Variants in CNTN6 observed in about 807,000 individuals in gnomAD.
CNTN6 encodes the protein contactin 6, also known as contactin-6.
Under a neutral mutation model 122.8 loss-of-function variants are expected in CNTN6, and 137 were observed. The ratio of observed to expected loss-of-function variants is 1.12; its 90% CI spans 0.97 to 1.29. The LOEUF is 1.29. Among genes scored for constraint, CNTN6 ranks in the 50% most tolerant of loss-of-function variants. CNTN6 has a pLI of 0.00. For missense variants in CNTN6, 1,634 were observed against 1,223.4 expected (o/e 1.34, Z -5.01); for synonymous variants, 570 against 426.0 (o/e 1.34, Z -4.16).
chr3:1,246,361 T>A (rs1156523836), intron 4 of CNTN6, among the ~76,000 whole-genome samples: 4 of 152,170 alleles, frequency 2.6e-5, no homozygotes, highest in South Asian at 4.1e-4. Context: ...CCTTTTATAT[T>A]GTTGTAGGTA....
intron 1 of CNTN6, among the ~76,000 whole-genome samples, chr3:1,118,022 C>G (rs1262908889): frequency 6.6e-6 from 1 of 152,128 alleles, no homozygotes; most frequent in Non-Finnish European, 1.5e-5. Context: ...AAGCCCTTGC[C>G]TCAAGGCCCG....
chr3:1,332,529 A>AGGAAGGAAGGAAGGAAGGAG (rs1333164125), intron 11 of CNTN6, among the ~76,000 whole-genome samples: 3 of 97,380 alleles, frequency 3.1e-5, no homozygotes, highest in East Asian at 4.8e-4. Flanking sequence ...GAAGGAAGGA[A>AGGAAGGAAGGAAGGAAGGAG]GGAGGGAGGG....
intron 4 of CNTN6, among the ~76,000 whole-genome samples, chr3:1,272,219 C>T (rs2095038366): frequency 6.6e-6 from 1 of 152,200 alleles, no homozygotes; most frequent in African/African-American, 2.4e-5. Flanking sequence ...TATCCAGTCT[C>T]AGGTATTTCT....
chr3:1,301,786 C>A (rs969647434), intron 7 of CNTN6, among the ~76,000 whole-genome samples: 2 of 152,114 alleles, frequency 1.3e-5, no homozygotes, highest in Non-Finnish European at 2.9e-5. Context: ...AGTTGGAGTG[C>A]AGATACATTT....
chr3:1,111,344 T>C (rs2091471408), intron 1 of CNTN6, among the ~76,000 whole-genome samples: 1 of 152,174 alleles, frequency 6.6e-6, no homozygotes, highest in Non-Finnish European at 1.5e-5. Flanking sequence ...GCACTTTCTT[T>C]AGTACTTTAG....
chr3:1,135,420 T>G (rs1432699435), intron 1 of CNTN6, among the ~76,000 whole-genome samples: 1 of 152,076 alleles, frequency 6.6e-6, no homozygotes, highest in East Asian at 1.9e-4. Flanking sequence ...CCGTGAACCT[T>G]AGCCAACAGA....
At chr3:1,245,329 T>TAGATAG (rs1559598378) in intron 4 of CNTN6, among the ~76,000 whole-genome samples, 5 of 79,350 alleles carry the variant, frequency 6.3e-5, no homozygotes, top group African/African-American at 2.4e-4. Flanking sequence ...TATATATATA[T>TAGATAG]ATATATAGCA....
At chr3:1,245,325 T>TATATA (rs1559598339) in intron 4 of CNTN6, among the ~76,000 whole-genome samples, 1,182 of 48,754 alleles carry the variant, frequency 0.024, 296 homozygotes, top group African/African-American at 0.054. Flanking sequence ...TATATATATA[T>TATATA]ATATATATAT....
At chr3:1,251,092 G>C in intron 4 of CNTN6, among the ~76,000 whole-genome samples, 1 of 152,180 alleles carries the variant, frequency 6.6e-6, no homozygotes, top group South Asian at 2.1e-4. Context: ...TACTCCTGTC[G>C]AATATCTTGG....
intron 20 of CNTN6, among the ~76,000 whole-genome samples, chr3:1,397,751 C>T (rs546473789): frequency 6.6e-6 from 1 of 152,186 alleles, no homozygotes; most frequent in Admixed American, 6.5e-5. Context: ...ACTTTGTACT[C>T]GATTCTTTCT....
intron 1 of CNTN6, among the ~76,000 whole-genome samples, chr3:1,099,942 A>G (rs1186972438): frequency 6.6e-6 from 1 of 152,160 alleles, no homozygotes; most frequent in Admixed American, 6.5e-5. Context: ...TATATTTTCA[A>G]ATAAAGACTA....
At chr3:1,232,019 C>G (rs1287945681) in intron 4 of CNTN6, among the ~76,000 whole-genome samples, 1 of 152,136 alleles carries the variant, frequency 6.6e-6, no homozygotes, top group African/African-American at 2.4e-5. Context: ...TTACTCTGTA[C>G]TTGTGTGAGA....
At chr3:1,251,520 C>A (rs2094669152) in intron 4 of CNTN6, among the ~76,000 whole-genome samples, 1 of 152,140 alleles carries the variant, frequency 6.6e-6, no homozygotes, top group South Asian at 2.1e-4. Flanking sequence ...TTCACTTTCC[C>A]CCTTATTTCA....
intron 11 of CNTN6, among the ~76,000 whole-genome samples, chr3:1,332,569 A>G (rs966439438): frequency 6.7e-6 from 1 of 148,408 alleles, no homozygotes; most frequent in African/African-American, 2.5e-5. Context: ...GGGGAAAGAA[A>G]GAAAGAGAGA....
intron 4 of CNTN6, among the ~76,000 whole-genome samples, chr3:1,266,807 G>A (rs898257910): frequency 6.6e-6 from 1 of 152,074 alleles, no homozygotes; most frequent in Non-Finnish European, 1.5e-5. Context: ...GTTGTTCTTG[G>A]AAGGGCACAG....
intron 1 of CNTN6, among the ~76,000 whole-genome samples, chr3:1,147,104 C>A (rs1037302301): frequency 6.6e-6 from 1 of 151,994 alleles, no homozygotes; most frequent in African/African-American, 2.4e-5. Context: ...TTATTATCAT[C>A]ACACTTAAAC....
intron 2 of CNTN6, among the ~76,000 whole-genome samples, chr3:1,193,573 C>A (rs143059320): frequency 6.6e-6 from 1 of 152,072 alleles, no homozygotes; most frequent in Non-Finnish European, 1.5e-5. Context: ...ATTTCTCTAG[C>A]GTTATTACAC....
chr3:1,361,101 G>C (rs1707395482), intron 12 of CNTN6, among the ~76,000 whole-genome samples: 2 of 152,014 alleles, frequency 1.3e-5, no homozygotes, highest in South Asian at 4.1e-4. Flanking sequence ...TTGTCTCCCA[G>C]GGGACATTGG....
intron 4 of CNTN6, among the ~76,000 whole-genome samples, chr3:1,249,024 G>A (rs2094621367): frequency 1.3e-5 from 2 of 152,154 alleles, no homozygotes; most frequent in Admixed American, 1.3e-4. Context: ...TCTAAAGTGA[G>A]GCCCAAGATT....
Sources: gnomAD v4.1 joint callset for allele counts (sites outside exome capture counted in the v4.1 genomes callset) on GRCh38, gnomAD v4.1.1 for gene constraint, MANE v1.5 for transcripts, NCBI Gene and HGNC (gene_info 2026-07-23, HGNC 2026-07-21) for gene names.